AGBL4: variants seen among roughly 807,000 people sequenced by gnomAD.
AGBL4 encodes AGBL carboxypeptidase 4.
A neutral mutation model predicts 66.4 loss-of-function variants in AGBL4; 58 were observed. The ratio of observed to expected loss-of-function variants is 0.87; its 90% confidence interval spans 0.71 to 1.09. AGBL4 has a LOEUF of 1.09. Among genes scored for constraint, AGBL4 ranks in the 50% least tolerant of loss-of-function variants. AGBL4 has a pLI of 0.00. For missense variants in AGBL4, 579 were observed against 631.0 expected, an observed-to-expected ratio of 0.92 and a Z score of 0.88; for synonymous variants, 234 against 222.9, an observed-to-expected ratio of 1.05 and a Z score of -0.44.
intron 5 of AGBL4, among the ~76,000 whole-genome samples, chr1:48,928,821 T>C (rs1294561277): frequency 6.6e-6 from 1 of 152,190 alleles, no homozygotes. Flanking sequence ...TTAAATGAAA[T>C]AATGTTGTCT....
chr1:49,984,012 C>G (rs1220696592), intron 1 of AGBL4, among the ~76,000 whole-genome samples: 1 of 152,212 alleles, frequency 6.6e-6, no homozygotes, highest in Non-Finnish European at 1.5e-5. Flanking sequence ...GATCATGAGA[C>G]TGATAGAGCA....
intron 3 of AGBL4, among the ~76,000 whole-genome samples, chr1:49,654,014 C>T (rs1646064701): frequency 6.6e-6 from 1 of 152,072 alleles, no homozygotes; most frequent in Non-Finnish European, 1.5e-5. Context: ...CCCCAAGACA[C>T]ATAATCATCA....
intron 6 of AGBL4, among the ~76,000 whole-genome samples, chr1:48,697,510 A>T (rs1261181597): frequency 6.6e-6 from 1 of 152,230 alleles, no homozygotes; most frequent in African/African-American, 2.4e-5. Context: ...TACAATGGTA[A>T]GTAGGAAGCA....
chr1:48,632,315 G>A (rs925763665), intron 9 of AGBL4, among the ~76,000 whole-genome samples: 5 of 152,176 alleles, frequency 3.3e-5, no homozygotes, highest in African/African-American at 4.8e-5. Context: ...TATTCATGAC[G>A]CAAATCATTT....
intron 1 of AGBL4, among the ~76,000 whole-genome samples, chr1:49,932,056 G>A (rs1470002219): frequency 2.0e-5 from 3 of 152,020 alleles, no homozygotes; most frequent in African/African-American, 7.3e-5. Flanking sequence ...AACTATAATG[G>A]AAATATTCCA....
intron 3 of AGBL4, among the ~76,000 whole-genome samples, chr1:49,437,908 A>T (rs1281686643): frequency 6.6e-6 from 1 of 152,106 alleles, no homozygotes; most frequent in African/African-American, 2.4e-5. Context: ...TATATCTTAT[A>T]TTTACTTACT....
chr1:49,859,558 A>C (rs1001023741), intron 1 of AGBL4, among the ~76,000 whole-genome samples: 4 of 152,298 alleles, frequency 2.6e-5, no homozygotes, highest in African/African-American at 9.6e-5. Context: ...TTCTCAGCAT[A>C]TGAAGAATTA....
At chr1:49,014,557 T>A (rs551137190) in intron 5 of AGBL4, among the ~76,000 whole-genome samples, 1 of 152,354 alleles carries the variant, frequency 6.6e-6, no homozygotes, top group East Asian at 1.9e-4. Flanking sequence ...ACCTGCCCTC[T>A]GTATGAAGGC....
At chr1:48,559,316 G>A (rs1644363619) in intron 11 of AGBL4, among the ~76,000 whole-genome samples, 1 of 152,172 alleles carries the variant, frequency 6.6e-6, no homozygotes, top group East Asian at 1.9e-4. Context: ...CCCACAGTTA[G>A]TACCTGTATG....
chr1:48,774,718 C>T (rs976362625), intron 6 of AGBL4, among the ~76,000 whole-genome samples: 4 of 152,154 alleles, frequency 2.6e-5, no homozygotes, highest in East Asian at 1.9e-4. Context: ...GGACTTGTGT[C>T]GATTTCAAAA....
intron 6 of AGBL4, among the ~76,000 whole-genome samples, chr1:48,720,047 G>A (rs770938568): frequency 1.3e-4 from 20 of 152,168 alleles, no homozygotes; most frequent in Non-Finnish European, 2.5e-4. Context: ...ACCCCTAGGC[G>A]GAAATAACTT....
At chr1:49,985,843 A>G (rs1659459220) in intron 1 of AGBL4, among the ~76,000 whole-genome samples, 1 of 152,094 alleles carries the variant, frequency 6.6e-6, no homozygotes, top group African/African-American at 2.4e-5. Context: ...ATCCTCACAA[A>G]CATCATTTTC....
chr1:48,909,218 A>G (rs1055928093), intron 5 of AGBL4, among the ~76,000 whole-genome samples: 2 of 152,192 alleles, frequency 1.3e-5, no homozygotes, highest in Non-Finnish European at 2.9e-5. Context: ...GAAGAGTGTC[A>G]TTATTTTAAT....
chr1:49,949,087 G>A (rs1174221908), intron 1 of AGBL4, among the ~76,000 whole-genome samples: 1 of 151,248 alleles, frequency 6.6e-6, no homozygotes, highest in Admixed American at 6.6e-5. Context: ...AACATAAAGT[G>A]GGGAAAGGAC....
chr1:49,383,292 A>G (rs1023354881), intron 3 of AGBL4, among the ~76,000 whole-genome samples: 2 of 152,214 alleles, frequency 1.3e-5, no homozygotes, highest in African/African-American at 4.8e-5. Flanking sequence ...GCAGAAATAC[A>G]AAGAAAACCT....
intron 6 of AGBL4, among the ~76,000 whole-genome samples, chr1:48,795,321 A>C (rs560923666): frequency 2.4e-4 from 37 of 152,242 alleles, no homozygotes; most frequent in African/African-American, 8.2e-4. Flanking sequence ...GGCTCAACTC[A>C]TGCTACGTAT....
chr1:49,000,323 A>G (rs547748175), intron 5 of AGBL4, among the ~76,000 whole-genome samples: 1 of 152,048 alleles, frequency 6.6e-6, no homozygotes, highest in Non-Finnish European at 1.5e-5. Context: ...TGATCAAGTG[A>G]TCTCCCTTAT....
At chr1:48,925,281 G>A (rs1037795073) in intron 5 of AGBL4, among the ~76,000 whole-genome samples, 28 of 152,058 alleles carry the variant, frequency 1.8e-4, no homozygotes, top group African/African-American at 6.7e-4. Flanking sequence ...ATTTAAAATA[G>A]CATAGTATTT....
At chr1:49,408,918 A>T (rs1436081629) in intron 3 of AGBL4, among the ~76,000 whole-genome samples, 2 of 152,214 alleles carry the variant, frequency 1.3e-5, no homozygotes, top group Non-Finnish European at 2.9e-5. Flanking sequence ...CTGTCCTATT[A>T]GTCCTGTCCC....
Sources: gnomAD v4.1 joint callset for allele counts (sites outside exome capture counted in the v4.1 genomes callset) on GRCh38, gnomAD v4.1.1 for gene constraint, MANE v1.5 for transcripts, NCBI Gene and HGNC (gene_info 2026-07-23, HGNC 2026-07-21) for gene names.